The following RHOH variants were observed in gnomAD, a reference collection of about 807,000 sequenced individuals.
The protein encoded by RHOH is rho-related GTP-binding protein RhoH.
Under a neutral mutation model 13.8 loss-of-function variants are expected in RHOH, and 6 were observed. The ratio of observed to expected loss-of-function variants is 0.44; its 90% CI spans 0.24 to 0.86. The LOEUF (loss-of-function observed/expected upper bound fraction) is 0.86. Among genes scored for constraint, RHOH ranks in the 40% least tolerant of loss-of-function variants. The pLI is 0.24. For missense variants in RHOH, 147 were observed against 244.5 expected, an observed-to-expected ratio of 0.60 and a Z score of 2.66; for synonymous variants, 117 against 103.0, an observed-to-expected ratio of 1.14 and a Z score of -0.82.
chr4:40,199,261 A>G (rs1268472472), intron 1 of RHOH, among the ~76,000 whole-genome samples: 1 of 152,218 alleles, frequency 6.6e-6, no homozygotes, highest in Non-Finnish European at 1.5e-5. Flanking sequence ...TGCAACTCTT[A>G]TGATTCTTAT....
At chr4:40,216,086 T>C (rs2381501) in intron 1 of RHOH, among the ~76,000 whole-genome samples, 110,528 of 151,002 alleles carry the variant, frequency 0.73, 41,718 homozygotes, top group Non-Finnish European at 0.84. Flanking sequence ...CAAATGCTGT[T>C]TACCTCACTG....
upstream of RHOH, among the ~76,000 whole-genome samples, chr4:40,195,382 C>CTTCT (rs779164766): frequency 3.0e-3 from 406 of 135,102 alleles, 3 homozygotes; most frequent in Non-Finnish European, 4.8e-3. Flanking sequence ...TCCTTCCTTC[C>CTTCT]TTCCTTCCTT....
At chr4:40,201,908 C>G (rs973711406) in intron 1 of RHOH, among the ~76,000 whole-genome samples, 8 of 149,058 alleles carry the variant, frequency 5.4e-5, no homozygotes, top group African/African-American at 2.0e-4. Flanking sequence ...ACCCTGAACA[C>G]TAAGCAATAG....
intron 1 of RHOH, among the ~76,000 whole-genome samples, chr4:40,211,601 G>A (rs901616133): frequency 2.0e-5 from 3 of 152,164 alleles, no homozygotes; most frequent in African/African-American, 7.2e-5. Context: ...AAGCGTCATA[G>A]GTGATGTCTT....
At chr4:40,206,745 T>G (rs1368967131) in intron 1 of RHOH, among the ~76,000 whole-genome samples, 1 of 152,162 alleles carries the variant, frequency 6.6e-6, no homozygotes, top group Non-Finnish European at 1.5e-5. Context: ...CAAAACAATA[T>G]TGTCACTATA....
chr4:40,210,291 T>C (rs1418116348), intron 1 of RHOH, among the ~76,000 whole-genome samples: 8 of 152,224 alleles, frequency 5.3e-5, no homozygotes. Flanking sequence ...CAGGATTCAT[T>C]TCTCCACGTA....
chr4:40,221,337 C>T (rs966881607), intron 1 of RHOH, among the ~76,000 whole-genome samples: 1 of 152,116 alleles, frequency 6.6e-6, no homozygotes, highest in Non-Finnish European at 1.5e-5. Context: ...TACAGGAATA[C>T]CTCATTTGAT....
At chr4:40,234,542 A>G (rs12508049) in intron 1 of RHOH, among the ~76,000 whole-genome samples, 95,832 of 151,770 alleles carry the variant, frequency 0.63, 31,244 homozygotes, top group Non-Finnish European at 0.7. Context: ...TCCCGGTGTG[A>G]TTGGGGACCA....
chr4:40,229,302 C>A (rs990630242), intron 1 of RHOH, among the ~76,000 whole-genome samples: 1 of 152,068 alleles, frequency 6.6e-6, no homozygotes, highest in Non-Finnish European at 1.5e-5. Flanking sequence ...TTTGGTGATG[C>A]TTTTCTGCAT....
chr4:40,215,532 A>G (rs958071565), intron 1 of RHOH, among the ~76,000 whole-genome samples: 1 of 152,090 alleles, frequency 6.6e-6, no homozygotes, highest in African/African-American at 2.4e-5. Flanking sequence ...ACAGAGTCTA[A>G]GGTAATGCCC....
At chr4:40,241,587 C>T (rs1201478809) in intron 1 of RHOH, among the ~76,000 whole-genome samples, 4 of 152,076 alleles carry the variant, frequency 2.6e-5, no homozygotes, top group Non-Finnish European at 4.4e-5. Context: ...AGTGGGTTGA[C>T]GAGGATAAAA....
intron 1 of RHOH, among the ~76,000 whole-genome samples, chr4:40,240,711 A>G (rs1251499436): frequency 6.6e-6 from 1 of 152,168 alleles, no homozygotes; most frequent in Admixed American, 6.5e-5. Flanking sequence ...CAGGAGGCAG[A>G]GGTTGCAGTG....
rs1032300213 is a variant in RHOH at position 40,218,853 on chromosome 4, C to T, written c.-331+21553C>T. Among the ~76,000 whole-genome samples, 1 of 152,130 alleles carries T rather than the reference C, an allele frequency of 6.6e-6. No individual in the cohort carries two copies. Among genetic ancestry groups the T allele is most frequent in the Non-Finnish European group, 1.5e-5 (1 of 68,028 alleles). On this transcript the variant is annotated intron_variant, in intron 1 of 2. Coordinates refer to ENST00000381799, the MANE Select transcript of RHOH (RefSeq NM_004310.5). This position sits in a 1 kb window ranked among gnomAD's most constrained non-coding sequence, Gnocchi z 4.1. ...CTGGGATTCAAGCCTGATGGTCAGT[C>T]CAGGGCTCTGATCACCACAAGCTGC...
chr4:40,239,358 G>A (rs1297626407), intron 1 of RHOH, among the ~76,000 whole-genome samples: 2 of 152,110 alleles, frequency 1.3e-5, no homozygotes, highest in African/African-American at 4.8e-5. Context: ...TTAGACAGGA[G>A]TCTCTCTCTT....
chr4:40,196,055 T>A (rs1436931962), upstream of RHOH, among the ~76,000 whole-genome samples: 2 of 152,182 alleles, frequency 1.3e-5, no homozygotes, highest in African/African-American at 4.8e-5. Flanking sequence ...CTCCTTCTCA[T>A]CCATTAGAGT....
intron 1 of RHOH, among the ~76,000 whole-genome samples, chr4:40,203,500 T>C (rs1724273979): frequency 1.3e-5 from 2 of 151,916 alleles, no homozygotes; most frequent in Admixed American, 6.6e-5. Flanking sequence ...TTTGGTTTTG[T>C]CCAGGGAAGG....
chr4:40,217,324 C>G (rs185217167), intron 1 of RHOH, among the ~76,000 whole-genome samples: 58 of 152,282 alleles, frequency 3.8e-4, no homozygotes, highest in African/African-American at 1.4e-3. Context: ...GAAGAAATGA[C>G]AGGATGTGTT....
intron 1 of RHOH, among the ~76,000 whole-genome samples, chr4:40,214,681 A>G (rs1481953430): frequency 6.6e-6 from 1 of 152,230 alleles, no homozygotes; most frequent in African/African-American, 2.4e-5. Context: ...ATGTTTGAGA[A>G]TCATATTCTG....
At chr4:40,199,640 T>A (rs942159363) in intron 1 of RHOH, among the ~76,000 whole-genome samples, 1 of 152,198 alleles carries the variant, frequency 6.6e-6, no homozygotes, top group African/African-American at 2.4e-5. Flanking sequence ...GAGGTGCTTT[T>A]CATTAGAGGC....
Sources: gnomAD v4.1 joint callset for allele counts (sites outside exome capture counted in the v4.1 genomes callset) on GRCh38, gnomAD v4.1.1 for gene constraint, Gnocchi (gnomAD v3.1) non-coding constraint, MANE v1.5 for transcripts, NCBI Gene and HGNC (gene_info 2026-07-23, HGNC 2026-07-21) for gene names.